SLC18B1: variants seen among roughly 807,000 people sequenced by gnomAD.
The protein encoded by SLC18B1 is MFS-type transporter SLC18B1.
A neutral mutation model predicts 53.9 loss-of-function variants in SLC18B1; 62 were observed. The observed-to-expected ratio is 1.15, with a 90% CI of 0.94 to 1.42. The LOEUF is 1.42. Among genes scored for constraint, SLC18B1 ranks in the 40% most tolerant of loss-of-function variants. SLC18B1 has a pLI of 0.00. For synonymous variants in SLC18B1, 217 were observed against 200.9 expected (o/e 1.08, Z -0.68); for missense variants, 598 against 547.3 (o/e 1.09, Z -0.93).
intron 6 of SLC18B1, among the ~76,000 whole-genome samples, chr6:132,782,187 CAAAA>C (rs572176758): frequency 1.1e-5 from 1 of 89,816 alleles, no homozygotes; most frequent in Non-Finnish European, 2.4e-5. Context: ...GACTCTGTTT[CAAAA>C]AAAAAAAAAA....
At chr6:132,798,385 G>C in intron 1 of SLC18B1, 29 bp downstream of exon 1, 2 of 1,512,104 alleles carry the variant, frequency 1.3e-6, no homozygotes, top group Non-Finnish European at 1.8e-6. Flanking sequence ...GCTGGTCTCC[G>C]GGCTCCCGGC....
chr6:132,784,916 A>T (rs1781330444), intron 5 of SLC18B1, among the ~76,000 whole-genome samples: 1 of 152,170 alleles, frequency 6.6e-6, no homozygotes, highest in Admixed American at 6.5e-5. Flanking sequence ...CCTTATATGT[A>T]GGTACAGGAA....
chr6:132,770,972 A>C (rs372259359), intron 12 of SLC18B1, 33 bp from the exon 13 acceptor site: 179 of 1,611,784 alleles, frequency 1.1e-4, no homozygotes, highest in Non-Finnish European at 1.4e-4. Context: ...GATTAATGTA[A>C]ATTTTCCAAG....
At chr6:132,772,909 C>G (rs993047779) in intron 10 of SLC18B1, 84 bp downstream of exon 10, 12 of 953,300 alleles carry the variant, frequency 1.3e-5, no homozygotes, top group Non-Finnish European at 2.0e-5. Context: ...ATCCAACATG[C>G]TGCAAAATTG....
chr6:132,787,421 C>G lies in SLC18B1; in HGVS notation c.501+13G>C. 6.4e-7 allele frequency: 1 copy of G among 1,550,954 alleles called. No homozygotes were observed. Among genetic ancestry groups the G allele is most frequent in the Non-Finnish European group, 8.7e-7 (1 of 1,154,566 alleles). On this transcript the variant is annotated intron_variant, in intron 5 of 13. Transcript: ENST00000275227. ...ACTCAAAGGAAAGTGGGAAATACTT[C>G]TAAAATACATACCAATACCGTAGCC... is the stretch of plus-strand genomic sequence containing the variant.
chr6:132,770,661 G>C (rs915796060), intron 13 of SLC18B1, among the ~76,000 whole-genome samples: 1 of 152,074 alleles, frequency 6.6e-6, no homozygotes, highest in South Asian at 2.1e-4. Context: ...GCTTGAACCC[G>C]GGGGGCAGAA....
intron 4 of SLC18B1, among the ~76,000 whole-genome samples, chr6:132,788,771 C>T (rs920851461): frequency 8.2e-5 from 12 of 145,730 alleles, no homozygotes; most frequent in African/African-American, 1.5e-4. Context: ...TGCAGTGAGG[C>T]GAGATCACAC....
intron 11 of SLC18B1, 111 bp downstream of exon 11, chr6:132,772,021 G>A: frequency 1.5e-6 from 1 of 678,702 alleles, no homozygotes. Context: ...GGACCTGGGA[G>A]GCGGAGGTTG....
intron 2 of SLC18B1, among the ~76,000 whole-genome samples, chr6:132,794,235 C>T (rs1781616478): frequency 6.6e-6 from 1 of 151,694 alleles, no homozygotes; most frequent in Non-Finnish European, 1.5e-5. Context: ...TCCTGAGTAG[C>T]TGGGACTACA....
chr6:132,784,170 ATCT>A (rs1781311376), intron 5 of SLC18B1, 81 bp from the exon 6 acceptor site: 3 of 1,183,958 alleles, frequency 2.5e-6, no homozygotes. Context: ...AAAAATTTCT[ATCT>A]TCTTCATAAT....
chr6:132,793,187 A>G (rs1193956191), intron 2 of SLC18B1, among the ~76,000 whole-genome samples: 2 of 152,170 alleles, frequency 1.3e-5, no homozygotes, highest in Non-Finnish European at 1.5e-5. Flanking sequence ...GGCAAGAAAA[A>G]TGATGAATAG....
Position 132,770,622 on chromosome 6 carries a change from G to C in SLC18B1, c.1304+268C>G, listed in dbSNP as rs1780945534. ...ATGGTGACCCATGCCTGTAATCTCA[G>C]CTACGTGGGAGGCTGAGGCAGGAAA... On this transcript the variant is annotated intron_variant, in intron 13 of 13. Transcript: ENST00000275227. Among the ~76,000 whole-genome samples the C allele has an allele frequency of 2.6e-5, 4 of 152,110 alleles. No individual in the cohort carries two copies. The South Asian group carries it at 8.3e-4, about 32-fold the overall frequency.
At chr6:132,791,944 C>G (rs186484572) in intron 2 of SLC18B1, among the ~76,000 whole-genome samples, 3 of 151,822 alleles carry the variant, frequency 2.0e-5, no homozygotes, top group Non-Finnish European at 2.9e-5. Context: ...GAAAAATATG[C>G]GTGCCGGGCA....
Position 132,774,333 on chromosome 6 carries a change from G to A in SLC18B1, c.898-20C>T, listed in dbSNP as rs769771458. The A allele has an allele frequency of 8.9e-6, 14 of 1,580,882 alleles. No homozygotes were observed. Among genetic ancestry groups the A allele is most frequent in the South Asian group, 3.4e-5 (3 of 88,464 alleles). On this transcript the variant is annotated intron_variant, in intron 8 of 13. Coordinates refer to ENST00000275227, the MANE Select transcript of SLC18B1 (RefSeq NM_052831.3). ...TAGAGGCTGGTAAAGGAGAAAGAGA[G>A]TCAAAATGATTCTTAGAGGCAAAGA... is the stretch of plus-strand genomic sequence containing the variant.
intron 8 of SLC18B1, 24 bp downstream of exon 8, chr6:132,776,304 C>T (rs202225349): frequency 1.3e-6 from 2 of 1,570,720 alleles, no homozygotes; most frequent in South Asian, 1.1e-5. Context: ...AAAAGTGACT[C>T]AAATATAAAT....
Position 132,798,439 on chromosome 6 carries a change from G to T in SLC18B1, c.18C>A (p.Asp6Glu), listed in dbSNP as rs548870320. The T allele has an allele frequency of 2.0e-5, 30 of 1,528,388 alleles. No individual in the cohort carries two copies. In the East Asian group the frequency reaches 7.7e-4, roughly 39 times the overall value. The allele number at this position is 1,528,388 out of a possible 1,614,324, so 94.7% of individuals were successfully genotyped here. Residue 6 changes from aspartate (D) to glutamate (E), a missense_variant, in exon 1 of 14, where the codon GAC (aspartate) becomes GAA (glutamate). Coordinates refer to ENST00000275227, the MANE Select transcript of SLC18B1 (RefSeq NM_052831.3). MEALG[D>E]LEGPRAPGGD... is the part of the protein sequence containing the mutation. ...CTCCTGGTGCGCGTGGTCCCTCCAG[G>T]TCACCCAGCGCCTCCATCCCCGGTG... is the stretch of plus-strand genomic sequence containing the variant.
chr6:132,779,131 C>A (rs139690481), intron 7 of SLC18B1, 137 bp downstream of exon 7: 1 of 899,752 alleles, frequency 1.1e-6, no homozygotes. Context: ...GAGAGGGACA[C>A]GCTACCTCGG....
At chr6:132,779,524 G>T (rs1344162120) in intron 6 of SLC18B1, 120 bp from the exon 7 acceptor site, 1 of 1,115,734 alleles carries the variant, frequency 9.0e-7, no homozygotes, top group Admixed American at 2.6e-5. Flanking sequence ...CTCAATCTCT[G>T]AGTTTGCCTA....
rs148863219 is a variant in SLC18B1, at chr6:132,777,584, C to A, written c.796-1155G>T. Among the ~76,000 whole-genome samples the A allele has an allele frequency of 8.0e-3, 1,215 of 152,216 alleles. 18 individuals are homozygous for A. Among genetic ancestry groups the A allele is most frequent in the African/African-American group, 0.028 (1,177 of 41,518 alleles). ...GAAAAATTAGCCTGGCCTGGTGGCA[C>A]ACACCTGTAGTACCAGCTACTCGGG... is the stretch of plus-strand genomic sequence containing the variant. On this transcript the variant is annotated intron_variant, in intron 7 of 13. Transcript: ENST00000275227.
Sources: allele counts gnomAD v4.1 joint callset (sites outside exome capture counted in the v4.1 genomes callset), GRCh38; gene constraint gnomAD v4.1.1; transcripts MANE v1.5; gene names NCBI Gene and HGNC (gene_info 2026-07-23, HGNC 2026-07-21).